Variants in AK5 observed in about 807,000 individuals in gnomAD.
The protein encoded by AK5 is adenylate kinase isoenzyme 5.
Under a neutral mutation model 69.5 loss-of-function variants are expected in AK5, and 27 were observed. The ratio of observed to expected loss-of-function variants is 0.39; its 90% confidence interval spans 0.29 to 0.54. The LOEUF is 0.54. Among genes scored for constraint, AK5 ranks in the 20% least tolerant of loss-of-function variants. The probability of loss-of-function intolerance (pLI) is 0.71; values close to 1 mark genes in which losing one functional copy is unlikely to be tolerated. For missense variants in AK5, 531 were observed against 700.4 expected (o/e 0.76, Z 2.73); for synonymous variants, 260 against 244.4 (o/e 1.06, Z -0.60).
At chr1:77,310,039 A>G (rs1659857065) in intron 5 of AK5, among the ~76,000 whole-genome samples, 2 of 151,982 alleles carry the variant, frequency 1.3e-5, no homozygotes, top group Non-Finnish European at 2.9e-5. Context: ...AATCTTCTAT[A>G]GTTTTCTAGT....
At chr1:77,356,441 GAC>G (rs1662530932) in intron 6 of AK5, among the ~76,000 whole-genome samples, 1 of 152,096 alleles carries the variant, frequency 6.6e-6, no homozygotes, top group Admixed American at 6.5e-5. Flanking sequence ...TCTATCAAAG[GAC>G]AAAAACAGGG....
At chr1:77,466,032 T>C (rs909689871) in intron 8 of AK5, among the ~76,000 whole-genome samples, 3 of 152,118 alleles carry the variant, frequency 2.0e-5, no homozygotes, top group African/African-American at 7.2e-5. Flanking sequence ...TCTAATGTCT[T>C]ACTTCTCGTT....
At position 77,559,173 on chromosome 1, in the gene AK5, G is replaced by C. The variant is rs567266457; in HGVS notation, c.*503G>C. On this transcript the variant is annotated 3_prime_UTR_variant, in exon 14 of 14. Coordinates refer to ENST00000354567, the MANE Select transcript of AK5 (RefSeq NM_174858.3). ...TTTTGTCAACTCTCATCCACTGGTG[G>C]CTCAGAGCCATAAGGTGGGTTGATT... 1.3e-5 allele frequency: 2 copies of C among 152,668 alleles called. No individual in the cohort carries two copies. Among genetic ancestry groups the C allele is most frequent in the East Asian group, 3.8e-4 (2 of 5,200 alleles). 9.5% of individuals were successfully genotyped at this position (152,668 alleles called of 1,614,324 possible).
At chr1:77,424,896 A>G (rs1651091472) in intron 8 of AK5, among the ~76,000 whole-genome samples, 1 of 152,218 alleles carries the variant, frequency 6.6e-6, no homozygotes, top group East Asian at 1.9e-4. Context: ...AATGAACAAC[A>G]CCAAACCACA....
At chr1:77,398,673 C>A (rs551131476) in intron 6 of AK5, among the ~76,000 whole-genome samples, 4 of 152,104 alleles carry the variant, frequency 2.6e-5, no homozygotes, top group African/African-American at 9.7e-5. Flanking sequence ...TTGTCTAAAA[C>A]GAGCATATCA....
chr1:77,401,346 G>A lies in AK5; in HGVS notation c.892-9635G>A, dbSNP rs532560822. ...AAGGGCCAGTTATTTGCATGTTGAA[G>A]GAGCTTCAGTAACAAACAAGAAATG... On this transcript the variant is annotated intron_variant, in intron 6 of 13. Transcript: ENST00000354567. Among the ~76,000 whole-genome samples, 131 of 152,282 alleles carry A rather than the reference G, an allele frequency of 8.6e-4. 1 individual carries two copies. The highest frequency in any genetic ancestry group is 2.9e-3 in the African/African-American group (121 of 41,560).
chr1:77,423,222 AAAAAAAAAT>A (rs1413410366), intron 8 of AK5, among the ~76,000 whole-genome samples: 8 of 131,448 alleles, frequency 6.1e-5, no homozygotes, highest in Admixed American at 2.9e-4. Flanking sequence ...CTCCGTCTAA[AAAAAAAAAT>A]AAAAAAAAAA....
chr1:77,516,470 T>A (rs1022835701), intron 10 of AK5, among the ~76,000 whole-genome samples: 3 of 152,112 alleles, frequency 2.0e-5, no homozygotes, highest in Non-Finnish European at 2.9e-5. Context: ...ATTAACTTGA[T>A]TGTGGTAATT....
chr1:77,480,727 G>A (rs1027924049), intron 8 of AK5, among the ~76,000 whole-genome samples: 3 of 152,160 alleles, frequency 2.0e-5, no homozygotes, highest in Admixed American at 6.5e-5. Flanking sequence ...AAATACTCTT[G>A]AGCCTGTTCT....
At chr1:77,386,063 A>G (rs571545784) in intron 6 of AK5, among the ~76,000 whole-genome samples, 1 of 152,232 alleles carries the variant, frequency 6.6e-6, no homozygotes, top group Non-Finnish European at 1.5e-5. Context: ...TGATTTAATT[A>G]TTTTTAAATT....
At chr1:77,512,950 C>T (rs1657434778) in intron 10 of AK5, among the ~76,000 whole-genome samples, 1 of 151,890 alleles carries the variant, frequency 6.6e-6, no homozygotes, top group Non-Finnish European at 1.5e-5. Context: ...GGAGGGAGAC[C>T]CTAAAGTGGA....
At chr1:77,458,811 A>G (rs1187853266) in intron 8 of AK5, among the ~76,000 whole-genome samples, 1 of 152,204 alleles carries the variant, frequency 6.6e-6, no homozygotes, top group African/African-American at 2.4e-5. Context: ...TCATAAAGTA[A>G]CATATTCACA....
intron 12 of AK5, among the ~76,000 whole-genome samples, chr1:77,535,410 C>T (rs1658902024): frequency 2.0e-5 from 3 of 152,064 alleles, no homozygotes; most frequent in Admixed American, 1.3e-4. Context: ...ACTCACCTGA[C>T]ACAGTACAGG....
rs571384599 is a variant in AK5, at chr1:77,486,462, A to G, written c.1147+110A>G. 249 of 680,616 alleles carry G rather than the reference A, an allele frequency of 3.7e-4. 1 individual carries two copies. Among genetic ancestry groups the G allele is most frequent in the East Asian group, 1.4e-3 (42 of 31,006 alleles). The allele number at this position is 680,616 out of a possible 1,614,324, so 42.2% of individuals were successfully genotyped here. On this transcript the variant is annotated intron_variant, in intron 10 of 13. Transcript: ENST00000354567. ...TGTAATCCCAGCACTGTGGGAGGCC[A>G]AGGCGGGCAGATCACGAGGTCAGGA...
intron 9 of AK5, 125 bp from the exon 10 acceptor site, chr1:77,486,183 T>G: frequency 1.6e-6 from 1 of 628,106 alleles, no homozygotes. Flanking sequence ...TATTCACACA[T>G]TTATTCAACT....
chr1:77,480,259 G>A (rs1423496087), intron 8 of AK5, among the ~76,000 whole-genome samples: 2 of 152,114 alleles, frequency 1.3e-5, no homozygotes, highest in Non-Finnish European at 2.9e-5. Context: ...TCATTCACCT[G>A]GGCTTTCATG....
chr1:77,515,534 T>C (rs1186297089), intron 10 of AK5, among the ~76,000 whole-genome samples: 1 of 152,208 alleles, frequency 6.6e-6, no homozygotes, highest in East Asian at 1.9e-4. Context: ...GCACTTACGA[T>C]GTGCAAAGTG....
chr1:77,313,167 C>T (rs1660054147), intron 5 of AK5, among the ~76,000 whole-genome samples: 3 of 152,024 alleles, frequency 2.0e-5, no homozygotes, highest in East Asian at 1.9e-4. Context: ...TGAATGTATA[C>T]ATTTTATTCC....
chr1:77,312,726 G>C (rs1253489671), intron 5 of AK5, among the ~76,000 whole-genome samples: 2 of 151,966 alleles, frequency 1.3e-5, no homozygotes, highest in African/African-American at 4.8e-5. Flanking sequence ...TATGCATCTT[G>C]GTTTTATATA....
Sources: gnomAD v4.1 joint callset for allele counts (sites outside exome capture counted in the v4.1 genomes callset) on GRCh38, gnomAD v4.1.1 for gene constraint, MANE v1.5 for transcripts, NCBI Gene and HGNC (gene_info 2026-07-23, HGNC 2026-07-21) for gene names.